C20orf202: variants seen among roughly 807,000 people sequenced by gnomAD.
C20orf202 encodes uncharacterized protein C20orf202.
Under a neutral mutation model 5.3 loss-of-function variants are expected in C20orf202, and 5 were observed. That is an observed-to-expected ratio of 0.94 (90% CI 0.49 to 1.98). The LOEUF is 1.98. Ranked by LOEUF, C20orf202 falls within the 30% of genes most tolerant of loss-of-function variation. The pLI is 0.01. For synonymous variants in C20orf202, 48 were observed against 50.0 expected (o/e 0.96, Z 0.16); for missense variants, 135 against 123.5 (o/e 1.09, Z -0.44).
intron 1 of C20orf202, among the ~76,000 whole-genome samples, chr20:1,204,260 G>T (rs16992496): frequency 1.1e-4 from 16 of 152,092 alleles, no homozygotes; most frequent in African/African-American, 3.6e-4. Flanking sequence ...AGGCAATTAC[G>T]CCAGACATTG....
intron 1 of C20orf202, among the ~76,000 whole-genome samples, chr20:1,204,189 C>A (rs1352244315): frequency 2.6e-5 from 4 of 152,224 alleles, no homozygotes; most frequent in African/African-American, 9.6e-5. Flanking sequence ...TTTGGAAGTA[C>A]AAGCCAAGGG....
intron 1 of C20orf202, among the ~76,000 whole-genome samples, chr20:1,204,901 C>T (rs529725646): frequency 6.6e-6 from 1 of 152,290 alleles, no homozygotes; most frequent in African/African-American, 2.4e-5. Context: ...TGCCTCATCA[C>T]CACCTCCGTG....
At chr20:1,206,008 GCAC>G (rs1447949579) in intron 1 of C20orf202, among the ~76,000 whole-genome samples, 1 of 151,670 alleles carries the variant, frequency 6.6e-6, no homozygotes, top group Non-Finnish European at 1.5e-5. Context: ...AGCCGTTATT[GCAC>G]CACTGCACTC....
intron 1 of C20orf202, 99 bp downstream of exon 1, chr20:1,203,750 G>GGT: frequency 7.5e-7 from 1 of 1,339,036 alleles, no homozygotes; most frequent in Non-Finnish European, 1.0e-6. Context: ...GAGGCTGCAG[G>GGT]CTACGGTATG....
Position 1,203,631 on chromosome 20 carries a change from G to C in C20orf202, c.46G>C (p.Glu16Gln), listed in dbSNP as rs1342645708. 7 of 1,549,838 alleles carry C rather than the reference G, an allele frequency of 4.5e-6. No individual in the cohort carries two copies. Among genetic ancestry groups the C allele is most frequent in the Non-Finnish European group, 5.2e-6 (6 of 1,146,542 alleles). Reference protein sequence around the residue: ...EPSPSLGQTLEWLRKELSEMQ... With the variant: ...EPSPSLGQTLQWLRKELSEMQ... ...CAGCCCGAGTCTTGGGCAGACCTTG[G>C]AGTGGCTGAGAAAGGAGCTGGTAAG... is the stretch of plus-strand genomic sequence containing the variant. Residue 16 changes from glutamate to glutamine, a missense_variant, in exon 1 of 2, where the codon GAG becomes CAG. Coordinates refer to ENST00000400633, the MANE Select transcript of C20orf202 (RefSeq NM_001394958.1).
chr20:1,206,383 A>G (rs1219628669), intron 1 of C20orf202, among the ~76,000 whole-genome samples: 1 of 152,264 alleles, frequency 6.6e-6, no homozygotes, highest in Non-Finnish European at 1.5e-5. Flanking sequence ...TATTCAAAAT[A>G]ACTATATTTT....
Position 1,208,983 on chromosome 20 carries a change from C to G in C20orf202, c.*1881C>G, listed in dbSNP as rs1907027090. Among the ~76,000 whole-genome samples, 1 of 152,158 alleles carries G rather than the reference C, an allele frequency of 6.6e-6. No individual in the cohort carries two copies. The highest frequency in any genetic ancestry group is 2.4e-5 in the African/African-American group (1 of 41,432). The stretch of plus-strand genomic sequence containing the variant: ...AGATGGCAGATGCTTGCTGCAATTC[C>G]TACCTTAAAGTTCTTTTTATAACCT... On this transcript the variant is annotated 3_prime_UTR_variant, in exon 2 of 2. Transcript: ENST00000400633.
chr20:1,207,111 A>G lies in C20orf202; in HGVS notation c.*9A>G. On this transcript the variant is annotated 3_prime_UTR_variant, in exon 2 of 2. Transcript: ENST00000400633. ...GAAGCTCTCTCCCTTAACTGGACGG[A>G]GATGACACTGGGCTTTAACACTCTC... 6.9e-7 allele frequency: 1 copy of G among 1,459,726 alleles called. No homozygotes were observed. The highest frequency in any genetic ancestry group is 2.4e-5 in the Admixed American group (1 of 42,250). 90.4% of individuals were successfully genotyped at this position (1,459,726 alleles called of 1,614,324 possible). A position where few individuals can be genotyped will look rare whatever the true frequency, so the allele number is the denominator to read the frequency against.
At chr20:1,205,298 G>T (rs866195268) in intron 1 of C20orf202, among the ~76,000 whole-genome samples, 1 of 151,950 alleles carries the variant, frequency 6.6e-6, no homozygotes, top group Non-Finnish European at 1.5e-5. Context: ...AGTAGAGACC[G>T]GGTTTCACCA....
intron 1 of C20orf202, 123 bp from the exon 2 acceptor site, chr20:1,206,746 G>T (rs2087132977): frequency 7.1e-6 from 4 of 561,932 alleles, no homozygotes; most frequent in Admixed American, 3.3e-5. Flanking sequence ...GGTGGATACG[G>T]CTTCTGTGAG....
At chr20:1,204,092 C>G (rs1051656408) in intron 1 of C20orf202, among the ~76,000 whole-genome samples, 3 of 152,050 alleles carry the variant, frequency 2.0e-5, no homozygotes, top group African/African-American at 7.2e-5. Context: ...TAACCCTGAC[C>G]CAGATGGACA....
At chr20:1,206,330 C>T (rs2087131499) in intron 1 of C20orf202, among the ~76,000 whole-genome samples, 1 of 152,124 alleles carries the variant, frequency 6.6e-6, no homozygotes, top group African/African-American at 2.4e-5. Flanking sequence ...CTAATGCATT[C>T]TAAAATAATA....
At position 1,203,614 on chromosome 20, in the gene C20orf202, G is replaced by C; in HGVS notation, c.29G>C (p.Ser10Thr). 6.4e-7 allele frequency: 1 copy of C among 1,551,538 alleles called. No individual in the cohort carries two copies. MKIAEEPSP[S>T]LGQTLEWLRK... ...AAAATAGCAGAAGAGCCCAGCCCGA[G>C]TCTTGGGCAGACCTTGGAGTGGCTG... The change falls in exon 1 of 2, where the codon AGT becomes ACT. Residue 10 changes from serine (S) to threonine (T), a missense_variant. By Grantham distance (58) the Ser-to-Thr change is moderately conservative (BLOSUM62 1). Transcript: ENST00000400633.
At position 1,208,333 on chromosome 20, in the gene C20orf202, A is replaced by T. The variant is rs564698584; in HGVS notation, c.*1231A>T. On this transcript the variant is annotated 3_prime_UTR_variant, in exon 2 of 2. Transcript: ENST00000400633. ...TGAAAATCTACCTGTATGTTGCTAG[A>T]ACATTGTTTTTATGGCTTTGAAAAA... 14 of 152,300 alleles carry T rather than the reference A, an allele frequency of 9.2e-5. No individual in the cohort carries two copies. Among genetic ancestry groups the T allele is most frequent in the African/African-American group, 3.1e-4 (13 of 41,560 alleles). 9.4% of individuals were successfully genotyped at this position (152,300 alleles called of 1,614,324 possible). A position where few individuals can be genotyped will look rare whatever the true frequency, so the allele number is the denominator to read the frequency against.
Position 1,207,138 on chromosome 20 carries a change from C to A in C20orf202, c.*36C>A. ...ATGACACTGGGCTTTAACACTCTCC[C>A]CATTAGTCTAACCTTTCACTGTGAT... On this transcript the variant is annotated 3_prime_UTR_variant, in exon 2 of 2. Coordinates refer to ENST00000400633, the MANE Select transcript of C20orf202 (RefSeq NM_001394958.1). The A allele has an allele frequency of 7.5e-7, 1 of 1,331,164 alleles. No individual in the cohort carries two copies. The highest frequency in any genetic ancestry group is 1.0e-6 in the Non-Finnish European group (1 of 991,812). 82.5% of individuals were successfully genotyped at this position (1,331,164 alleles called of 1,614,324 possible).
intron 1 of C20orf202, among the ~76,000 whole-genome samples, chr20:1,205,132 G>A (rs1392021485): frequency 2.1e-5 from 3 of 140,930 alleles, no homozygotes; most frequent in Non-Finnish European, 4.6e-5. Context: ...TTGAGATGAA[G>A]CCTCACTCTG....
At chr20:1,206,578 A>G (rs891813938) in intron 1 of C20orf202, among the ~76,000 whole-genome samples, 3 of 152,238 alleles carry the variant, frequency 2.0e-5, no homozygotes, top group African/African-American at 7.2e-5. Context: ...TGAAAGCAAA[A>G]AAAGGAAAAT....
chr20:1,206,966 A>T lies in C20orf202; in HGVS notation c.164A>T (p.Asp55Val). The T allele has an allele frequency of 6.4e-7, 1 of 1,551,698 alleles. No individual in the cohort carries two copies. Among genetic ancestry groups the T allele is most frequent in the Non-Finnish European group, 8.7e-7 (1 of 1,146,930 alleles). The change falls in exon 2 of 2, where the codon GAC (aspartate) becomes GTC (valine). Residue 55 changes from aspartate to valine, a missense_variant. Physicochemically the swap from Asp to Val is radical, Grantham distance 152. Coordinates refer to ENST00000400633, the MANE Select transcript of C20orf202 (RefSeq NM_001394958.1). Reference protein sequence around the residue: ...ELRADSAHWEDARSSGGTSPI... With the variant: ...ELRADSAHWEVARSSGGTSPI... ...CGTGCGGACAGCGCCCACTGGGAGG[A>T]CGCCAGGTCCAGCGGAGGGACATCC...
At position 1,207,593 on chromosome 20, in the gene C20orf202, A is replaced by T. The variant is rs983698547; in HGVS notation, c.*491A>T. ...TAGGCCCTGTAACCACCCTGGCCAT[A>T]GGCATGGGTATATTACCAGGCCTGG... On this transcript the variant is annotated 3_prime_UTR_variant, in exon 2 of 2. Transcript: ENST00000400633. 6.6e-6 allele frequency: 1 copy of T among 152,406 alleles called. No homozygotes were observed. The highest frequency in any genetic ancestry group is 2.4e-5 in the African/African-American group (1 of 41,454). The allele number at this position is 152,406 out of a possible 1,614,324, so 9.4% of individuals were successfully genotyped here. A position where few individuals can be genotyped will look rare whatever the true frequency, so the allele number is the denominator to read the frequency against.
Sources: allele counts gnomAD v4.1 joint callset (sites outside exome capture counted in the v4.1 genomes callset), GRCh38; gene constraint gnomAD v4.1.1; transcripts MANE v1.5; gene names NCBI Gene and HGNC (gene_info 2026-07-23, HGNC 2026-07-21).